The following ITFG1 variants were observed in gnomAD, a reference collection of about 807,000 sequenced individuals.
The protein encoded by ITFG1 is T-cell immunomodulatory protein.
Under a neutral mutation model 81.8 loss-of-function variants are expected in ITFG1, and 34 were observed. The ratio of observed to expected loss-of-function variants is 0.42; its 90% confidence interval spans 0.32 to 0.55. The LOEUF (loss-of-function observed/expected upper bound fraction) is 0.55, where lower values mean the gene tolerates loss of function less well. Among genes scored for constraint, ITFG1 ranks in the 20% least tolerant of loss-of-function variants. The pLI, the probability that ITFG1 is intolerant of heterozygous loss-of-function variation, is 0.17. For synonymous variants in ITFG1, 285 were observed against 270.6 expected, an observed-to-expected ratio of 1.05 and a Z score of -0.52; for missense variants, 672 against 755.4, an observed-to-expected ratio of 0.89 and a Z score of 1.29.
At chr16:47,160,377 CTT>C (rs551394030) in intron 16 of ITFG1, among the ~76,000 whole-genome samples, 1 of 151,682 alleles carries the variant, frequency 6.6e-6, no homozygotes, top group Non-Finnish European at 1.5e-5. Context: ...GCTGTTGCTT[CTT>C]TTGTTTGTTG....
At chr16:47,178,493 T>C (rs1965057332) in intron 14 of ITFG1, among the ~76,000 whole-genome samples, 1 of 152,182 alleles carries the variant, frequency 6.6e-6, no homozygotes, top group Admixed American at 6.5e-5. Flanking sequence ...CCCTATTTAA[T>C]AAATGGTGCT....
At chr16:47,416,453 T>G (rs1184164377) in intron 6 of ITFG1, among the ~76,000 whole-genome samples, 1 of 152,208 alleles carries the variant, frequency 6.6e-6, no homozygotes, top group East Asian at 1.9e-4. Flanking sequence ...TAAAGCTTAT[T>G]GTTTGCAAAA....
At chr16:47,353,460 TGAAA>T in intron 8 of ITFG1, among the ~76,000 whole-genome samples, 1 of 152,090 alleles carries the variant, frequency 6.6e-6, no homozygotes, top group Non-Finnish European at 1.5e-5. Context: ...AGGAAAAAGT[TGAAA>T]GAAAGCTTTT....
At chr16:47,165,338 CAGTA>C (rs1567411424) in intron 14 of ITFG1, among the ~76,000 whole-genome samples, 1 of 152,058 alleles carries the variant, frequency 6.6e-6, no homozygotes, top group Non-Finnish European at 1.5e-5. Context: ...AAGTTGGAAA[CAGTA>C]AGGTATAATG....
At chr16:47,294,969 C>T (rs1407377198) in intron 10 of ITFG1, among the ~76,000 whole-genome samples, 1 of 152,026 alleles carries the variant, frequency 6.6e-6, no homozygotes, top group Non-Finnish European at 1.5e-5. Flanking sequence ...TCAATGTTTC[C>T]ACATTCAGTA....
At chr16:47,363,385 T>TA (rs1456556634) in intron 8 of ITFG1, among the ~76,000 whole-genome samples, 1 of 152,184 alleles carries the variant, frequency 6.6e-6, no homozygotes, top group African/African-American at 2.4e-5. Context: ...AAATTTTTTT[T>TA]AGAGATGAGG....
intron 14 of ITFG1, among the ~76,000 whole-genome samples, chr16:47,189,909 T>C (rs1271564545): frequency 1.3e-5 from 2 of 152,192 alleles, no homozygotes; most frequent in Admixed American, 6.5e-5. Flanking sequence ...ACAGCTCCCA[T>C]AAAACCAAAC....
intron 5 of ITFG1, among the ~76,000 whole-genome samples, chr16:47,434,944 A>G (rs1244096555): frequency 6.6e-6 from 1 of 152,198 alleles, no homozygotes; most frequent in Non-Finnish European, 1.5e-5. Context: ...CAAACATTAC[A>G]TGTTCTCACT....
chr16:47,271,695 A>G (rs1030591143), intron 10 of ITFG1, among the ~76,000 whole-genome samples: 2 of 152,154 alleles, frequency 1.3e-5, no homozygotes, highest in African/African-American at 4.8e-5. Flanking sequence ...CGTCTCTACT[A>G]AAAATACAAA....
At chr16:47,167,770 A>G (rs1338509350) in intron 14 of ITFG1, among the ~76,000 whole-genome samples, 1 of 152,200 alleles carries the variant, frequency 6.6e-6, no homozygotes, top group East Asian at 1.9e-4. Context: ...CTTTTTATGG[A>G]AAAATAATAT....
chr16:47,159,037 A>G (rs756199833), intron 16 of ITFG1, 47 bp from the exon 17 acceptor site: 1 of 1,072,824 alleles, frequency 9.3e-7, no homozygotes, highest in Non-Finnish European at 1.3e-6. Flanking sequence ...TTTATTTAAA[A>G]ATAACAAAGT....
intron 14 of ITFG1, among the ~76,000 whole-genome samples, chr16:47,207,987 T>C (rs1366069932): frequency 6.6e-6 from 1 of 152,222 alleles, no homozygotes; most frequent in Non-Finnish European, 1.5e-5. Flanking sequence ...TCATAATTAT[T>C]GTCACCATTT....
intron 8 of ITFG1, among the ~76,000 whole-genome samples, chr16:47,340,669 T>C (rs1326838798): frequency 5.9e-5 from 9 of 152,134 alleles, no homozygotes; most frequent in Admixed American, 5.9e-4. Context: ...AGCAAAATCT[T>C]CCTTATCAGT....
chr16:47,434,462 T>C (rs911742484), intron 5 of ITFG1, among the ~76,000 whole-genome samples: 4 of 151,860 alleles, frequency 2.6e-5, no homozygotes, highest in African/African-American at 7.3e-5. Flanking sequence ...TCAACATCAC[T>C]GATCATTAGA....
intron 6 of ITFG1, among the ~76,000 whole-genome samples, chr16:47,417,142 T>C (rs1968885323): frequency 1.3e-5 from 2 of 152,216 alleles, no homozygotes; most frequent in African/African-American, 4.8e-5. Context: ...AGAGAGGCCT[T>C]TGCATGAGGC....
chr16:47,442,591 A>G (rs967522434), intron 5 of ITFG1, among the ~76,000 whole-genome samples: 1 of 152,206 alleles, frequency 6.6e-6, no homozygotes, highest in Non-Finnish European at 1.5e-5. Context: ...CTCAGAAATA[A>G]TGTCGCATAT....
chr16:47,277,045 A>G (rs926862320), intron 10 of ITFG1, among the ~76,000 whole-genome samples: 1 of 152,176 alleles, frequency 6.6e-6, no homozygotes, highest in Non-Finnish European at 1.5e-5. Context: ...ACATTAAGCT[A>G]GCTATAATTA....
intron 14 of ITFG1, among the ~76,000 whole-genome samples, chr16:47,201,159 T>C (rs1367853111): frequency 6.6e-6 from 1 of 152,196 alleles, no homozygotes; most frequent in Non-Finnish European, 1.5e-5. Flanking sequence ...TTTTCTAAAA[T>C]TAATGAAACT....
intron 6 of ITFG1, among the ~76,000 whole-genome samples, chr16:47,378,377 C>G (rs1968353641): frequency 6.6e-6 from 1 of 152,192 alleles, no homozygotes; most frequent in Admixed American, 6.5e-5. Context: ...TCTGTGACCA[C>G]ATATGGTTAA....
Sources: allele counts gnomAD v4.1 joint callset (sites outside exome capture counted in the v4.1 genomes callset), GRCh38; gene constraint gnomAD v4.1.1; transcripts MANE v1.5; gene names NCBI Gene and HGNC (gene_info 2026-07-23, HGNC 2026-07-21).